The following OR56A3 variants were observed in gnomAD, a reference collection of about 807,000 sequenced individuals.
OR56A3 encodes olfactory receptor family 56 subfamily A member 3.
A neutral mutation model predicts 17.5 loss-of-function variants in OR56A3; 23 were observed. The ratio of observed to expected loss-of-function variants is 1.32; its 90% CI spans 0.95 to 1.87. The LOEUF (loss-of-function observed/expected upper bound fraction) is 1.87. Among genes scored for constraint, OR56A3 ranks in the 40% most tolerant of loss-of-function variants. The probability of loss-of-function intolerance (pLI) is 0.00; values close to 1 mark genes in which losing one functional copy is unlikely to be tolerated. For synonymous variants in OR56A3, 175 were observed against 150.6 expected, an observed-to-expected ratio of 1.16 and a Z score of -1.19; for missense variants, 366 against 380.1, an observed-to-expected ratio of 0.96 and a Z score of 0.31.
the OR56A3 span, among the ~76,000 whole-genome samples, chr11:6,006,675 G>C: frequency 6.6e-6 from 1 of 152,174 alleles, no homozygotes; most frequent in South Asian, 2.1e-4. Flanking sequence ...AGGAGTCTTT[G>C]AGCCTACAGA....
the OR56A3 span, among the ~76,000 whole-genome samples, chr11:5,978,390 G>A: frequency 6.6e-6 from 1 of 152,102 alleles, no homozygotes; most frequent in Admixed American, 6.6e-5. Context: ...TCTTTCAGCA[G>A]TGTTTTGTAA....
At chr11:5,989,052 CT>C in the OR56A3 span, among the ~76,000 whole-genome samples, 1 of 152,180 alleles carries the variant, frequency 6.6e-6, no homozygotes, top group African/African-American at 2.4e-5. Flanking sequence ...AATATGATAG[CT>C]ATAAAGTCTG....
the OR56A3 span, among the ~76,000 whole-genome samples, chr11:5,976,989 TTCAC>T: frequency 6.6e-6 from 1 of 152,196 alleles, no homozygotes; most frequent in Admixed American, 6.5e-5. Context: ...TGTTCCTGCA[TTCAC>T]TCACTAAGGA....
the OR56A3 span, among the ~76,000 whole-genome samples, chr11:5,997,877 C>T: frequency 1.3e-5 from 2 of 152,126 alleles, no homozygotes; most frequent in East Asian, 3.9e-4. Context: ...ACCTACATCA[C>T]AATGGCTTCA....
the OR56A3 span, among the ~76,000 whole-genome samples, chr11:5,990,083 A>T: frequency 6.6e-6 from 1 of 152,092 alleles, no homozygotes; most frequent in Non-Finnish European, 1.5e-5. Context: ...CTGCATTAAG[A>T]CCTCACACTC....
the OR56A3 span, chr11:6,021,631 T>C: frequency 2.6e-5 from 4 of 152,032 alleles, no homozygotes; most frequent in East Asian, 7.7e-4. Context: ...CATTGTTCGA[T>C]GCCTGCTTCA....
At chr11:6,008,775 A>G in the OR56A3 span, among the ~76,000 whole-genome samples, 1 of 152,116 alleles carries the variant, frequency 6.6e-6, no homozygotes, top group African/African-American at 2.4e-5. Context: ...ACAAAGAATC[A>G]TTCCTGCCAT....
the OR56A3 span, among the ~76,000 whole-genome samples, chr11:5,995,310 T>G: frequency 6.6e-6 from 1 of 152,240 alleles, no homozygotes; most frequent in Non-Finnish European, 1.5e-5. Flanking sequence ...CACTTTACAC[T>G]TATAGCGTGT....
At chr11:5,992,544 G>A in the OR56A3 span, among the ~76,000 whole-genome samples, 1 of 152,164 alleles carries the variant, frequency 6.6e-6, no homozygotes, top group African/African-American at 2.4e-5. Context: ...GCTTCAGAGT[G>A]TGTTTCTGAA....
At chr11:6,007,771 G>A in the OR56A3 span, among the ~76,000 whole-genome samples, 1 of 152,180 alleles carries the variant, frequency 6.6e-6, no homozygotes, top group African/African-American at 2.4e-5. Context: ...GGAAGTACTA[G>A]AGGAACATTC....
the OR56A3 span, among the ~76,000 whole-genome samples, chr11:5,972,915 T>C: frequency 6.6e-6 from 1 of 152,158 alleles, no homozygotes; most frequent in Non-Finnish European, 1.5e-5. Context: ...GATTTAAATA[T>C]GAGAGAGAAT....
chr11:5,968,208 C>G, the OR56A3 span: 1 of 1,614,194 alleles, frequency 6.2e-7, no homozygotes, highest in Non-Finnish European at 8.5e-7. Context: ...GGCAGGGAAG[C>G]TGATTGATCT....
the OR56A3 span, among the ~76,000 whole-genome samples, chr11:5,997,982 G>T: frequency 1.3e-5 from 2 of 152,124 alleles, no homozygotes; most frequent in Non-Finnish European, 2.9e-5. Context: ...GTCCAAATGT[G>T]TGTGACAGTG....
chr11:6,014,551 C>T, the OR56A3 span, among the ~76,000 whole-genome samples: 1 of 152,166 alleles, frequency 6.6e-6, no homozygotes, highest in East Asian at 1.9e-4. Context: ...GTTATGCTTC[C>T]TGTACAGCCT....
At chr11:5,986,185 C>A in the OR56A3 span, 1 of 1,613,858 alleles carries the variant, frequency 6.2e-7, no homozygotes, top group South Asian at 1.1e-5. Flanking sequence ...TCGGGCCTCA[C>A]TCCCTGGTAC....
intron 2 of OR56A3, 27 bp downstream of exon 2, chr11:5,945,109 C>G (rs1170572022): frequency 6.6e-6 from 1 of 152,196 alleles, no homozygotes; most frequent in African/African-American, 2.4e-5. Context: ...AGGAAAATAT[C>G]ATACAGTTTG....
chr11:5,992,038 T>G, the OR56A3 span, among the ~76,000 whole-genome samples: 1 of 152,218 alleles, frequency 6.6e-6, no homozygotes, highest in Non-Finnish European at 1.5e-5. Context: ...GGTCATTACC[T>G]GTAAGCCTGT....
chr11:5,994,420 C>A, the OR56A3 span: 1 of 729,330 alleles, frequency 1.4e-6, no homozygotes, highest in Non-Finnish European at 2.5e-6. Context: ...TGATGTCTGC[C>A]ATGATCTTGG....
the OR56A3 span, chr11:6,002,768 C>T: frequency 3.7e-6 from 6 of 1,613,784 alleles, no homozygotes; most frequent in Non-Finnish European, 3.4e-6. Context: ...TGAGGCAGAG[C>T]ACGATGTCCA....
Sources: gnomAD v4.1 joint callset for allele counts (sites outside exome capture counted in the v4.1 genomes callset) on GRCh38, gnomAD v4.1.1 for gene constraint, MANE v1.5 for transcripts, NCBI Gene and HGNC (gene_info 2026-07-23, HGNC 2026-07-21) for gene names.